The following OCA2 variants were observed in gnomAD, a reference collection of about 807,000 sequenced individuals.
The protein encoded by OCA2 is P protein.
Under a neutral mutation model 100.2 loss-of-function variants are expected in OCA2, and 77 were observed. The ratio of observed to expected loss-of-function variants is 0.77; its 90% CI spans 0.64 to 0.93. The LOEUF is 0.93. Ranked by LOEUF, OCA2 falls within the 40% of genes least tolerant of loss-of-function variation. OCA2 has a pLI of 0.00. For missense variants in OCA2, 1,062 were observed against 1,089.1 expected, an observed-to-expected ratio of 0.98 and a Z score of 0.35; for synonymous variants, 432 against 439.2, an observed-to-expected ratio of 0.98 and a Z score of 0.21.
chr15:27,919,888 T>C (rs1219555094), intron 19 of OCA2, among the ~76,000 whole-genome samples: 1 of 152,126 alleles, frequency 6.6e-6, no homozygotes, highest in Non-Finnish European at 1.5e-5. Context: ...GGTTGGAGTA[T>C]ATGGAAAATC....
the OCA2 span, among the ~76,000 whole-genome samples, chr15:27,726,595 T>C: frequency 2.0e-5 from 3 of 152,112 alleles, no homozygotes; most frequent in Non-Finnish European, 4.4e-5. Context: ...GTGATGGGGT[T>C]GGGACAGCGG....
intron 14 of OCA2, among the ~76,000 whole-genome samples, chr15:27,975,477 G>A (rs1457208452): frequency 6.6e-6 from 1 of 152,128 alleles, no homozygotes; most frequent in Non-Finnish European, 1.5e-5. Context: ...TGAGAGGTGT[G>A]GACTAAAGTT....
intron 2 of OCA2, among the ~76,000 whole-genome samples, chr15:28,050,609 A>G (rs2141559027): frequency 6.6e-6 from 1 of 152,066 alleles, no homozygotes; most frequent in East Asian, 1.9e-4. Flanking sequence ...AGTGGTGGGA[A>G]AGCATGGGAA....
chr15:27,922,911 A>G (rs2038917119), intron 19 of OCA2, among the ~76,000 whole-genome samples: 1 of 152,138 alleles, frequency 6.6e-6, no homozygotes, highest in African/African-American at 2.4e-5. Flanking sequence ...TTTGTCACCC[A>G]GGTATTAAGC....
At chr15:28,056,712 G>A (rs1164215703) in intron 2 of OCA2, among the ~76,000 whole-genome samples, 1 of 152,264 alleles carries the variant, frequency 6.6e-6, no homozygotes, top group Non-Finnish European at 1.5e-5. Context: ...CTCCAGGGCT[G>A]TCCATGTGAC....
intron 23 of OCA2, among the ~76,000 whole-genome samples, chr15:27,830,186 T>G (rs2034897110): frequency 6.6e-6 from 1 of 152,210 alleles, no homozygotes; most frequent in African/African-American, 2.4e-5. Context: ...GGTATGTCAC[T>G]GACCCCACAA....
At chr15:27,895,440 G>A (rs1206647780) in intron 19 of OCA2, among the ~76,000 whole-genome samples, 1 of 152,216 alleles carries the variant, frequency 6.6e-6, no homozygotes, top group Non-Finnish European at 1.5e-5. Context: ...CTTGTTGAAT[G>A]GCTTTGACCA....
At position 27,799,942 on chromosome 15, in the gene OCA2, G is replaced by C. The variant is rs529582037; in HGVS notation, c.2433-44470C>G. On this transcript the variant is annotated intron_variant, in intron 23 of 23. Coordinates refer to ENST00000354638, the MANE Select transcript of OCA2 (RefSeq NM_000275.3). ...GAATTATAGGAGATGAGATCAGGCA[G>C]GAAGGGGCCAGAGCACATGAAACCT... is the stretch of plus-strand genomic sequence containing the variant. Among the ~76,000 whole-genome samples the C allele has an allele frequency of 7.2e-5, 11 of 152,242 alleles. No homozygotes were observed. In the South Asian group the frequency reaches 1.0e-3, roughly 14 times the overall value.
intron 18 of OCA2, among the ~76,000 whole-genome samples, chr15:27,927,857 T>C (rs1408910061): frequency 1.4e-5 from 2 of 142,474 alleles, no homozygotes; most frequent in African/African-American, 5.3e-5. Flanking sequence ...AGTGGTGCAA[T>C]CTCAGCTCAC....
intron 4 of OCA2, among the ~76,000 whole-genome samples, chr15:28,025,854 C>T (rs2042732872): frequency 6.6e-6 from 1 of 152,244 alleles, no homozygotes. Context: ...TAATACTCTC[C>T]TCACTTAGTT....
Position 27,988,882 on chromosome 15 carries a change from A to G in OCA2, c.1182+719T>C, listed in dbSNP as rs377358573. On this transcript the variant is annotated intron_variant, in intron 11 of 23. Coordinates refer to ENST00000354638, the MANE Select transcript of OCA2 (RefSeq NM_000275.3). ...CGGCACGGTTTCCATCAGGTCACAT[A>G]GCTGGGCCCTCCGTTATGTCAGCCA... is the stretch of plus-strand genomic sequence containing the variant. Among the ~76,000 whole-genome samples, 26 of 152,268 alleles carry G rather than the reference A, an allele frequency of 1.7e-4. No homozygotes were observed. The South Asian group carries it at 5.4e-3, about 32-fold the overall frequency.
chr15:27,719,894 C>G, the OCA2 span, among the ~76,000 whole-genome samples: 6 of 152,122 alleles, frequency 3.9e-5, no homozygotes. Flanking sequence ...ACTCATGTCT[C>G]TCTTTCTCCT....
Position 28,018,382 on chromosome 15 carries a change from A to G in OCA2, c.807+15T>C. On this transcript the variant is annotated intron_variant, in intron 7 of 23. Transcript: ENST00000354638. ...GAGATTTCACAATTCCTTTCAAATA[A>G]ATTATCAGCATAACCTGCTGTGGCC... 3 of 1,613,386 alleles carry G rather than the reference A, an allele frequency of 1.9e-6. No individual in the cohort carries two copies. The highest frequency in any genetic ancestry group is 2.5e-6 in the Non-Finnish European group (3 of 1,179,574).
At chr15:27,744,475 G>T in the OCA2 span, among the ~76,000 whole-genome samples, 2 of 152,300 alleles carry the variant, frequency 1.3e-5, no homozygotes, top group East Asian at 3.9e-4. Flanking sequence ...AGAGAAAAAG[G>T]ATTTGCTCTT....
At chr15:27,938,032 T>A (rs2039518291) in intron 18 of OCA2, among the ~76,000 whole-genome samples, 1 of 152,226 alleles carries the variant, frequency 6.6e-6, no homozygotes, top group South Asian at 2.1e-4. Context: ...AGTGATTGCA[T>A]GTTATGCATG....
At chr15:27,795,818 C>A (rs1000139559) in intron 23 of OCA2, among the ~76,000 whole-genome samples, 1 of 152,176 alleles carries the variant, frequency 6.6e-6, no homozygotes, top group African/African-American at 2.4e-5. Context: ...CCACTCTTAG[C>A]GGTATGTCTC....
chr15:28,033,988 C>G (rs2042979435), intron 2 of OCA2, among the ~76,000 whole-genome samples: 1 of 152,130 alleles, frequency 6.6e-6, no homozygotes, highest in Non-Finnish European at 1.5e-5. Flanking sequence ...TTTTCTCAGT[C>G]ATGCAATGTA....
chr15:27,922,756 GC>G (rs1255555896), intron 19 of OCA2, among the ~76,000 whole-genome samples: 3 of 148,422 alleles, frequency 2.0e-5, no homozygotes, highest in Non-Finnish European at 4.5e-5. Flanking sequence ...GCTTATTTTG[GC>G]CCCTGGCCAC....
At chr15:27,847,111 A>T (rs1301109117) in intron 22 of OCA2, among the ~76,000 whole-genome samples, 1 of 152,198 alleles carries the variant, frequency 6.6e-6, no homozygotes, top group Admixed American at 6.5e-5. Context: ...CCCTTGCAGA[A>T]GTCCTTCAGC....
Sources: allele counts gnomAD v4.1 joint callset (sites outside exome capture counted in the v4.1 genomes callset), GRCh38; gene constraint gnomAD v4.1.1; transcripts MANE v1.5; gene names NCBI Gene and HGNC (gene_info 2026-07-23, HGNC 2026-07-21).